Variants in CCDC88C observed in about 807,000 individuals in gnomAD.
The protein encoded by CCDC88C is protein Daple.
Under a neutral mutation model 198.8 loss-of-function variants are expected in CCDC88C, and 131 were observed. The observed-to-expected ratio is 0.66, with a 90% CI of 0.57 to 0.76. The LOEUF (loss-of-function observed/expected upper bound fraction) is 0.76. Ranked by LOEUF, CCDC88C falls within the 30% of genes least tolerant of loss-of-function variation. The pLI, the probability that CCDC88C is intolerant of heterozygous loss-of-function variation, is 0.00. For synonymous variants in CCDC88C, 1,166 were observed against 1,114.7 expected (o/e 1.05, Z -0.92); for missense variants, 2,553 against 2,631.6 (o/e 0.97, Z 0.65).
At position 91,338,595 on chromosome 14, in the gene CCDC88C, G is replaced by A. The variant is rs200069113; in HGVS notation, c.810-25C>T. 3.3e-5 allele frequency: 50 copies of A among 1,530,000 alleles called. 1 individual carries two copies. In the East Asian group the frequency reaches 9.5e-4, roughly 29 times the overall value. The allele number at this position is 1,530,000 out of a possible 1,614,324, so 94.8% of individuals were successfully genotyped here. A position where few individuals can be genotyped will look rare whatever the true frequency, so the allele number is the denominator to read the frequency against. ...CCTGCAGAGGCAGTAAGGAGAAAGA[G>A]TGTGGGAGGCAGCTTCCTCAACAAG... On this transcript the variant is annotated intron_variant, in intron 8 of 29. Coordinates refer to ENST00000389857, the MANE Select transcript of CCDC88C (RefSeq NM_001080414.4). This position sits in a 1 kb window ranked among gnomAD's most constrained non-coding sequence, Gnocchi z 4.8.
In CCDC88C at chr14:91,293,406, G is replaced by GT. The variant is rs1890797608; in HGVS notation, c.4112+766_4112+767insA. ...CTCGCCTGCCACAGCCCACCTTCCT[G>GT]CCCCCTCACCTGCCACGGCCCACCT... is the stretch of plus-strand genomic sequence containing the variant. On this transcript the variant is annotated intron_variant, in intron 23 of 29. Coordinates refer to ENST00000389857, the MANE Select transcript of CCDC88C (RefSeq NM_001080414.4). 2.5e-3 allele frequency among the ~76,000 whole-genome samples: 18 copies of GT among 7,314 alleles called. 1 individual carries two copies. Among genetic ancestry groups the GT allele is most frequent in the East Asian group, 3.9e-3 (1 of 256 alleles). The allele number at this position is 7,314 out of a possible 152,430, so 4.8% of individuals were successfully genotyped here. A position where few individuals can be genotyped will look rare whatever the true frequency, so the allele number is the denominator to read the frequency against.
At position 91,381,748 on chromosome 14, in the gene CCDC88C, C is replaced by CT. The variant is rs1179904008; in HGVS notation, c.271-22038_271-22037insA. 1.3e-5 allele frequency among the ~76,000 whole-genome samples: 2 copies of CT among 152,130 alleles called. No individual in the cohort carries two copies. The highest frequency in any genetic ancestry group is 4.8e-5 in the African/African-American group (2 of 41,418). The stretch of plus-strand genomic sequence containing the variant: ...ACTTGGGAGGCTGAGGCAGGAGAAT[C>CT]GCTTGAACCCAGGAGGCAGAGGTTG... On this transcript the variant is annotated intron_variant, in intron 3 of 29. Coordinates refer to ENST00000389857, the MANE Select transcript of CCDC88C (RefSeq NM_001080414.4). The surrounding 1 kb of genome is among the most constrained non-coding windows in gnomAD (Gnocchi z 4.2).
At chr14:91,364,860 T>C (rs1295973744) in intron 3 of CCDC88C, among the ~76,000 whole-genome samples, 1 of 152,210 alleles carries the variant, frequency 6.6e-6, no homozygotes, top group East Asian at 1.9e-4. Context: ...AAGCTGATTC[T>C]ATTAGAACCT....
chr14:91,357,622 A>T (rs1894098364), intron 4 of CCDC88C, among the ~76,000 whole-genome samples: 1 of 152,156 alleles, frequency 6.6e-6, no homozygotes, highest in Non-Finnish European at 1.5e-5. Flanking sequence ...AGACAGAACA[A>T]CAGGACTAAG....
At chr14:91,328,273 A>G in intron 10 of CCDC88C, among the ~76,000 whole-genome samples, 1 of 152,224 alleles carries the variant, frequency 6.6e-6, no homozygotes, top group Non-Finnish European at 1.5e-5. Flanking sequence ...AACCTCCACT[A>G]TACATAAGGT....
rs766523801 is a variant in CCDC88C, at chr14:91,313,417, C to T, written c.2399G>A (p.Arg800Gln). ...GELEAERQAL[R>Q]RDLEALRLAN... ...CAGCCGGAGGGCCTCCAGGTCCCGC[C>T]GCAGCGCCTGGCGCTCAGCCTCCAG... Residue 800 changes from arginine to glutamine, a missense_variant, in exon 15 of 30, where the codon CGG becomes CAG. Physicochemically the swap from Arg to Gln is conservative, Grantham distance 43 (BLOSUM62 1). Around this residue, in one of 2 missense-constraint regions of CCDC88C, gnomAD observed 1,260 missense variants for 1,412.0 expected, o/e 0.89. Transcript: ENST00000389857. The surrounding 1 kb of genome is among the most constrained non-coding windows in gnomAD (Gnocchi z 5.2). The T allele has an allele frequency of 9.9e-5, 159 of 1,607,468 alleles. No individual in the cohort carries two copies. The highest frequency in any genetic ancestry group is 1.6e-4 in the Middle Eastern group (1 of 6,084).
rs542911402 is a variant in CCDC88C at position 91,417,186 on chromosome 14, G to A, written c.61-348C>T. On this transcript the variant is annotated intron_variant, in intron 1 of 29. Coordinates refer to ENST00000389857, the MANE Select transcript of CCDC88C (RefSeq NM_001080414.4). ...CCCAGTCTGTTCGCTTTCCCATTCGGCGCCCCCCATTCCCCACCCGTCACC... is the reference window on the plus strand; with the variant it reads ...CCCAGTCTGTTCGCTTTCCCATTCGACGCCCCCCATTCCCCACCCGTCACC... 3.0e-5 allele frequency: 21 copies of A among 702,898 alleles called. No homozygotes were observed. The East Asian group carries it at 5.4e-4, about 18-fold the overall frequency. 43.5% of individuals were successfully genotyped at this position (702,898 alleles called of 1,614,324 possible).
At position 91,339,621 on chromosome 14, in the gene CCDC88C, AAG is replaced by A. The variant is rs777234012; in HGVS notation, c.625-161_625-160del. Among the ~76,000 whole-genome samples, 8 of 152,226 alleles carry A rather than the reference AAG, an allele frequency of 5.3e-5. No individual in the cohort carries two copies. Among genetic ancestry groups the A allele is most frequent in the Non-Finnish European group, 8.8e-5 (6 of 68,042 alleles). ...GGAAAAGGCTGGCATGGGTTTTGAA[AAG>A]AGGTGAAATATTTAGTGAAACAAAA... On this transcript the variant is annotated intron_variant, in intron 7 of 29. Coordinates refer to ENST00000389857, the MANE Select transcript of CCDC88C (RefSeq NM_001080414.4). The surrounding 1 kb of genome is among the most constrained non-coding windows in gnomAD (Gnocchi z 5.8).
intron 3 of CCDC88C, among the ~76,000 whole-genome samples, chr14:91,370,010 C>T (rs1026470980): frequency 1.4e-4 from 21 of 152,214 alleles, no homozygotes; most frequent in African/African-American, 4.3e-4. Context: ...AAACATAAGT[C>T]GGTTCTTTGT....
intron 20 of CCDC88C, among the ~76,000 whole-genome samples, chr14:91,302,160 C>T (rs1344767046): frequency 5.9e-5 from 9 of 152,178 alleles, no homozygotes; most frequent in Admixed American, 2.0e-4. Context: ...CATCAGCGCC[C>T]GCACAAGGCT....
chr14:91,379,593 G>A (rs748738404), intron 3 of CCDC88C: 10 of 564,768 alleles, frequency 1.8e-5, no homozygotes, highest in Non-Finnish European at 3.1e-5. Context: ...GATCACACGA[G>A]CAGAAGTGGG....
intron 3 of CCDC88C, among the ~76,000 whole-genome samples, chr14:91,370,407 G>C (rs369176708): frequency 6.6e-6 from 1 of 152,216 alleles, no homozygotes; most frequent in Non-Finnish European, 1.5e-5. Context: ...GGGAACCAGA[G>C]GATGTTTCAA....
At position 91,303,740 on chromosome 14, in the gene CCDC88C, T is replaced by C. The variant is rs759543877; in HGVS notation, c.3596A>G (p.His1199Arg). The stretch of plus-strand genomic sequence containing the variant: ...CTTGTGCTCCAGCTCCAGATTCCGA[T>C]GCAGTGTCTTTAGGCAGCTGTGCTG... ...IRQHSCLKTLHRNLELEHKEL... is the reference protein window; with the variant it reads ...IRQHSCLKTLRRNLELEHKEL... Residue 1199 changes from histidine (H) to arginine (R), a missense_variant, in exon 20 of 30, where the codon CAT becomes CGT. Coordinates refer to ENST00000389857, the MANE Select transcript of CCDC88C (RefSeq NM_001080414.4). The C allele has an allele frequency of 4.1e-5, 66 of 1,609,228 alleles. No homozygotes were observed. Among genetic ancestry groups the C allele is most frequent in the Admixed American group, 2.5e-4 (15 of 59,390 alleles).
chr14:91,379,354 G>C (rs1388341387), intron 3 of CCDC88C: 1 of 154,436 alleles, frequency 6.5e-6, no homozygotes, highest in African/African-American at 2.4e-5. Context: ...AGCTCTGAGA[G>C]GCAGAGGATG....
intron 6 of CCDC88C, 144 bp from the exon 7 acceptor site, chr14:91,340,168 G>C (rs17127258): frequency 2.6e-6 from 3 of 1,141,876 alleles, no homozygotes; most frequent in African/African-American, 1.5e-5. Flanking sequence ...GGTGCCCTAC[G>C]CAAGTGTGGC....
At position 91,313,004 on chromosome 14, in the gene CCDC88C, T is replaced by C; in HGVS notation, c.2736+76A>G. On this transcript the variant is annotated intron_variant, in intron 15 of 29. Coordinates refer to ENST00000389857, the MANE Select transcript of CCDC88C (RefSeq NM_001080414.4). This position sits in a 1 kb window ranked among gnomAD's most constrained non-coding sequence, Gnocchi z 5.2. ...AGGAGGACACAGAGTCTTATTTCTC[T>C]CCTGAAACCATGCACCACAGAACCC... 5 of 1,129,194 alleles carry C rather than the reference T, an allele frequency of 4.4e-6. No individual in the cohort carries two copies. The highest frequency in any genetic ancestry group is 2.4e-5 in the East Asian group (1 of 41,598). The allele number at this position is 1,129,194 out of a possible 1,614,324, so 69.9% of individuals were successfully genotyped here.
chr14:91,278,288 G>C, intron 28 of CCDC88C, 77 bp from the exon 29 acceptor site: 2 of 1,360,328 alleles, frequency 1.5e-6, no homozygotes, highest in Non-Finnish European at 9.8e-7. Context: ...GCTTCGTGCT[G>C]CCTTTGCCCA....
intron 3 of CCDC88C, among the ~76,000 whole-genome samples, chr14:91,361,015 G>A (rs568123508): frequency 6.6e-6 from 1 of 151,892 alleles, no homozygotes; most frequent in Non-Finnish European, 1.5e-5. Context: ...GTGGCACTGA[G>A]GCCTTGTGGT....
At chr14:91,315,561 A>G (rs1271911702) in intron 14 of CCDC88C, 89 bp downstream of exon 14, 1 of 1,431,962 alleles carries the variant, frequency 7.0e-7, no homozygotes, top group Non-Finnish European at 9.7e-7. Flanking sequence ...CCATGCATCC[A>G]CAATACAGTA....
Sources: allele counts gnomAD v4.1 joint callset (sites outside exome capture counted in the v4.1 genomes callset), GRCh38; gene constraint gnomAD v4.1.1; regional missense constraint gnomAD v4.1.1; non-coding constraint Gnocchi (gnomAD v3.1); transcripts MANE v1.5; gene names NCBI Gene and HGNC (gene_info 2026-07-23, HGNC 2026-07-21).